IL17B: variants seen among roughly 807,000 people sequenced by gnomAD.
IL17B encodes interleukin 17B.
A neutral mutation model predicts 14.7 loss-of-function variants in IL17B; 14 were observed. The ratio of observed to expected loss-of-function variants is 0.95; its 90% CI spans 0.63 to 1.49. The LOEUF is 1.49. IL17B is among the 40% of genes most tolerant of loss of function. The pLI, the probability that IL17B is intolerant of heterozygous loss-of-function variation, is 0.00. For missense variants in IL17B, 233 were observed against 252.8 expected (o/e 0.92, Z 0.53); for synonymous variants, 105 against 94.8 (o/e 1.11, Z -0.62).
At chr5:149,381,815 C>T (rs1288605201), upstream of IL17B, among the ~76,000 whole-genome samples, 1 of 152,194 alleles carries the variant, frequency 6.6e-6, no homozygotes. Flanking sequence ...CCAGGCAGGC[C>T]TGTGGGACCC....
rs1554108650 is a variant in IL17B at position 149,392,955 on chromosome 5, T to TGTGC, written n.95+11149_95+11152dup. On this transcript the variant is annotated intron_variant and non_coding_transcript_variant, in intron 1 of 2. Coordinates refer to the IL17B transcript ENST00000505432. ...GTGTACGTGCGTGTGTGCGTGCGTGTGTGCGTGTGTGTGCGCGCGTGCGTG... is the reference window on the plus strand; with the variant it reads ...GTGTACGTGCGTGTGTGCGTGCGTGTGTGCGTGCGTGTGTGTGCGCGCGTGCGTG... Among the ~76,000 whole-genome samples the TGTGC allele has an allele frequency of 1.3e-3, 202 of 150,762 alleles. 1 individual carries two copies. Among genetic ancestry groups the TGTGC allele is most frequent in the African/African-American group, 4.6e-3 (189 of 41,180 alleles).
At chr5:149,391,140 T>G (rs1433609676) in intron 1 of IL17B, among the ~76,000 whole-genome samples, 1 of 152,204 alleles carries the variant, frequency 6.6e-6, no homozygotes, top group Non-Finnish European at 1.5e-5. Flanking sequence ...CTAATTTTTG[T>G]ATTTTTGTAG....
chr5:149,390,119 A>T (rs1758907174), intron 1 of IL17B, among the ~76,000 whole-genome samples: 1 of 152,000 alleles, frequency 6.6e-6, no homozygotes, highest in African/African-American at 2.4e-5. Flanking sequence ...ATGGGTGGTG[A>T]ATATGAATTT....
At chr5:149,379,544 C>T (rs943450207), upstream of IL17B, among the ~76,000 whole-genome samples, 35 of 152,210 alleles carry the variant, frequency 2.3e-4, no homozygotes, top group Admixed American at 2.6e-4. Flanking sequence ...GGCCTGCGGC[C>T]GGCCGCCCAG....
chr5:149,402,735 G>A (rs553121351), intron 1 of IL17B, among the ~76,000 whole-genome samples: 1 of 151,292 alleles, frequency 6.6e-6, no homozygotes, highest in South Asian at 2.1e-4. Context: ...CGGGCACGGT[G>A]GCTCATGCCT....
intron 1 of IL17B, among the ~76,000 whole-genome samples, chr5:149,387,124 C>G (rs1183690732): frequency 2.0e-5 from 3 of 152,158 alleles, no homozygotes; most frequent in African/African-American, 7.2e-5. Flanking sequence ...TGTGCACCTC[C>G]TGCATGCATG....
chr5:149,385,270 G>A (rs1263113976), intron 1 of IL17B, among the ~76,000 whole-genome samples: 2 of 152,042 alleles, frequency 1.3e-5, no homozygotes, highest in South Asian at 2.1e-4. Flanking sequence ...CAGGAGAATC[G>A]CTTGAACCTG....
At chr5:149,402,473 C>T (rs565906536) in intron 1 of IL17B, among the ~76,000 whole-genome samples, 19 of 152,160 alleles carry the variant, frequency 1.2e-4, no homozygotes, top group African/African-American at 4.6e-4. Flanking sequence ...TTCACCCTCC[C>T]CTGCCATTCC....
intron 1 of IL17B, among the ~76,000 whole-genome samples, chr5:149,397,685 T>G (rs1759118990): frequency 1.3e-5 from 2 of 152,206 alleles, no homozygotes; most frequent in South Asian, 4.2e-4. Flanking sequence ...TATGAGAGAT[T>G]TATTAGGCGG....
At chr5:149,390,010 T>C (rs989091143) in intron 1 of IL17B, among the ~76,000 whole-genome samples, 4 of 152,136 alleles carry the variant, frequency 2.6e-5, no homozygotes, top group Non-Finnish European at 5.9e-5. Context: ...AGCCAAGGCC[T>C]GGAAGGGGAT....
intron 1 of IL17B, among the ~76,000 whole-genome samples, chr5:149,402,978 G>C (rs1759239694): frequency 7.3e-6 from 1 of 137,560 alleles, no homozygotes; most frequent in African/African-American, 2.8e-5. Context: ...ACTCCAGCCT[G>C]GGTTACACAG....
chr5:149,391,871 C>T (rs540591806), intron 1 of IL17B, among the ~76,000 whole-genome samples: 27 of 152,304 alleles, frequency 1.8e-4, no homozygotes, highest in East Asian at 3.9e-4. Flanking sequence ...AACTTCTCAT[C>T]GGCCTTGTCT....
intron 1 of IL17B, among the ~76,000 whole-genome samples, chr5:149,385,760 C>T (rs1758814732): frequency 6.6e-6 from 1 of 152,266 alleles, no homozygotes; most frequent in Non-Finnish European, 1.5e-5. Flanking sequence ...GTCAGCGTCT[C>T]CTCTGGCTGG....
intron 1 of IL17B, among the ~76,000 whole-genome samples, chr5:149,394,750 C>T (rs1025421700): frequency 1.3e-5 from 2 of 152,138 alleles, no homozygotes; most frequent in Admixed American, 6.5e-5. Flanking sequence ...TTTCTTTTAG[C>T]GTATGGCTCT....
chr5:149,383,378 C>G (rs900207827), upstream of IL17B, among the ~76,000 whole-genome samples: 2 of 152,310 alleles, frequency 1.3e-5, no homozygotes, highest in African/African-American at 4.8e-5. Context: ...TCCAGCGGGC[C>G]CACCCTAGAG....
chr5:149,374,590 C>G lies in IL17B; in HGVS notation c.322G>C (p.Asp108His). The G allele has an allele frequency of 6.2e-7, 1 of 1,610,512 alleles. No individual in the cohort carries two copies. The highest frequency in any genetic ancestry group is 8.5e-7 in the Non-Finnish European group (1 of 1,177,994). ...LSPWGYSINH[D>H]PSRIPVDLPE... is the part of the protein sequence containing the mutation. ...AGGTCCACGGGGATACGGCTGGGGT[C>G]GTGGTTGATGCTGCAGGGAGCAGAA... The change falls in exon 3 of 3, where the codon GAC (aspartate) becomes CAC (histidine). Residue 108 changes from aspartate to histidine, a missense_variant. Physicochemically the swap from Asp to His is moderately conservative, Grantham distance 81. Coordinates refer to ENST00000261796, the MANE Select transcript of IL17B (RefSeq NM_014443.3). The surrounding 1 kb of genome is among the most constrained non-coding windows in gnomAD (Gnocchi z 5.0).
In IL17B at chr5:149,377,010, T is replaced by C. The variant is rs1327699939; in HGVS notation, c.37A>G (p.Ile13Val). The C allele has an allele frequency of 1.9e-6, 3 of 1,554,624 alleles. No individual in the cohort carries two copies. The highest frequency in any genetic ancestry group is 2.6e-6 in the Non-Finnish European group (3 of 1,155,980). Residue 13 changes from isoleucine to valine, a missense_variant, in exon 2 of 3, where the codon ATT becomes GTT. Ile to Val is a conservative substitution (Grantham distance 29, BLOSUM62 3). Coordinates refer to ENST00000261796, the MANE Select transcript of IL17B (RefSeq NM_014443.3). ...TGGCCCAGCCCCAGGAAGATGGAAA[T>C]GGTAAGAAGAAACAGCTGGGGAGGA... is the stretch of plus-strand genomic sequence containing the variant. ...WPHNLLFLLT[I>V]SIFLGLGQPR...
chr5:149,396,394 C>T (rs990628218), intron 1 of IL17B, among the ~76,000 whole-genome samples: 12 of 152,202 alleles, frequency 7.9e-5, no homozygotes, highest in Admixed American at 6.5e-4. Context: ...CAAAGTGAAG[C>T]ATGTGCTAGG....
intron 1 of IL17B, among the ~76,000 whole-genome samples, chr5:149,392,052 TGGGA>T (rs1359044623): frequency 6.6e-6 from 1 of 152,184 alleles, no homozygotes; most frequent in African/African-American, 2.4e-5. Context: ...ACATTGCAAG[TGGGA>T]GTACACAATG....
Sources: allele counts gnomAD v4.1 joint callset (sites outside exome capture counted in the v4.1 genomes callset), GRCh38; gene constraint gnomAD v4.1.1; non-coding constraint Gnocchi (gnomAD v3.1); transcripts MANE v1.5; gene names NCBI Gene and HGNC (gene_info 2026-07-23, HGNC 2026-07-21).